SIMC1: variants seen among roughly 807,000 people sequenced by gnomAD.
SIMC1 encodes the protein SUMO interacting motifs containing 1.
Under a neutral mutation model 82.3 loss-of-function variants are expected in SIMC1, and 55 were observed. The ratio of observed to expected loss-of-function variants is 0.67; its 90% CI spans 0.54 to 0.84. The LOEUF is 0.84. Among genes scored for constraint, SIMC1 ranks in the 40% least tolerant of loss-of-function variants. The pLI is 0.00. For missense variants in SIMC1, 915 were observed against 1,107.2 expected (o/e 0.83, Z 2.46); for synonymous variants, 353 against 426.3 (o/e 0.83, Z 2.12).
intron 1 of SIMC1, among the ~76,000 whole-genome samples, chr5:176,271,478 A>G (rs1174084927): frequency 1.3e-5 from 2 of 152,196 alleles, no homozygotes; most frequent in African/African-American, 4.8e-5. Flanking sequence ...GAAATAAGTT[A>G]GGCACACAAA....
At chr5:176,270,194 A>G (rs1393505097) in intron 1 of SIMC1, 1 of 151,904 alleles carries the variant, frequency 6.6e-6, no homozygotes, top group East Asian at 1.9e-4. Context: ...ATCAATATAA[A>G]TTCTGATATT....
intron 1 of SIMC1, among the ~76,000 whole-genome samples, chr5:176,257,500 G>A (rs1341297910): frequency 1.3e-5 from 2 of 152,084 alleles, no homozygotes; most frequent in Non-Finnish European, 2.9e-5. Context: ...GAGAGAGCAA[G>A]AGAGTGAGAG....
At chr5:176,291,503 A>AT (rs1290726496) in intron 2 of SIMC1, among the ~76,000 whole-genome samples, 9 of 151,608 alleles carry the variant, frequency 5.9e-5, no homozygotes, top group East Asian at 1.9e-4. Context: ...CGCCCAGCTG[A>AT]TTTTTTGTAT....
chr5:176,308,333 A>G, intron 4 of SIMC1: 1 of 1,501,944 alleles, frequency 6.7e-7, no homozygotes, highest in South Asian at 1.1e-5. Context: ...AGGACCAAGT[A>G]GAAATTTCAC....
chr5:176,313,564 C>T (rs753879109), intron 4 of SIMC1, 127 bp from the exon 5 acceptor site: 23 of 1,554,210 alleles, frequency 1.5e-5, no homozygotes, highest in Non-Finnish European at 1.1e-5. Context: ...AGGAGCCTCT[C>T]TTTTAAGCAC....
At chr5:176,327,833 T>C (rs1765460552) in intron 7 of SIMC1, among the ~76,000 whole-genome samples, 1 of 152,252 alleles carries the variant, frequency 6.6e-6, no homozygotes, top group Non-Finnish European at 1.5e-5. Flanking sequence ...TCTCCATCTA[T>C]TGAGATAATC....
chr5:176,297,361 G>A (rs1390737493), intron 4 of SIMC1, among the ~76,000 whole-genome samples: 5 of 152,100 alleles, frequency 3.3e-5, no homozygotes, highest in Admixed American at 3.3e-4. Flanking sequence ...ATTTAGCTGG[G>A]TGTGGTGGCA....
At chr5:176,262,794 G>A (rs1055382312) in intron 1 of SIMC1, among the ~76,000 whole-genome samples, 3 of 152,094 alleles carry the variant, frequency 2.0e-5, no homozygotes, top group Admixed American at 6.5e-5. Flanking sequence ...GACAGAGTGA[G>A]ACTCTGTCTC....
At chr5:176,338,805 A>G (rs1257032097) in intron 9 of SIMC1, among the ~76,000 whole-genome samples, 7 of 152,146 alleles carry the variant, frequency 4.6e-5, no homozygotes, top group Admixed American at 2.6e-4. Context: ...TAAAAAAAAA[A>G]AAAAAGTACT....
intron 9 of SIMC1, 127 bp from the exon 10 acceptor site, chr5:176,345,056 C>A (rs1171887705): frequency 8.0e-7 from 1 of 1,251,556 alleles, no homozygotes; most frequent in Non-Finnish European, 1.1e-6. Context: ...ACTCACACAG[C>A]CTTCGACTTG....
At chr5:176,259,242 A>G (rs1761940021) in intron 1 of SIMC1, among the ~76,000 whole-genome samples, 1 of 151,654 alleles carries the variant, frequency 6.6e-6, no homozygotes, top group South Asian at 2.1e-4. Flanking sequence ...TGAGGTGGAC[A>G]GATCACTTGA....
At chr5:176,329,326 C>T (rs771872655) in intron 7 of SIMC1, among the ~76,000 whole-genome samples, 1 of 151,996 alleles carries the variant, frequency 6.6e-6, no homozygotes, top group East Asian at 1.9e-4. Flanking sequence ...AAAAAATTAG[C>T]CGGGTGCGGT....
intron 7 of SIMC1, among the ~76,000 whole-genome samples, chr5:176,329,542 G>C (rs1191299392): frequency 6.7e-6 from 1 of 149,646 alleles, no homozygotes; most frequent in Non-Finnish European, 1.5e-5. Context: ...ATCATCACAA[G>C]GATTCCTTGT....
chr5:176,266,448 T>G (rs1470482961), intron 1 of SIMC1, among the ~76,000 whole-genome samples: 1 of 152,004 alleles, frequency 6.6e-6, no homozygotes, highest in African/African-American at 2.4e-5. Context: ...AGAGGCCAGG[T>G]TAAAACAACA....
chr5:176,292,808 T>A (rs899839264), intron 2 of SIMC1, among the ~76,000 whole-genome samples: 6 of 152,228 alleles, frequency 3.9e-5, no homozygotes, highest in African/African-American at 1.4e-4. Context: ...CCCAAAGTTC[T>A]GGGATTACAG....
chr5:176,323,514 T>C (rs1223361420), intron 6 of SIMC1, among the ~76,000 whole-genome samples: 3 of 152,190 alleles, frequency 2.0e-5, no homozygotes, highest in African/African-American at 7.2e-5. Flanking sequence ...AAAATAGATA[T>C]TATTGCTCAC....
intron 7 of SIMC1, among the ~76,000 whole-genome samples, chr5:176,325,286 C>A (rs147613745): frequency 3.9e-4 from 60 of 152,182 alleles, no homozygotes; most frequent in African/African-American, 1.4e-3. Flanking sequence ...ACTCAGGAGG[C>A]TGAGACACGA....
intron 1 of SIMC1, among the ~76,000 whole-genome samples, chr5:176,272,530 G>C (rs1762489333): frequency 6.6e-6 from 1 of 152,204 alleles, no homozygotes; most frequent in Non-Finnish European, 1.5e-5. Context: ...TGACGCAGAA[G>C]ACGGGTGATG....
At chr5:176,296,881 A>C (rs1418336497) in intron 4 of SIMC1, among the ~76,000 whole-genome samples, 1 of 152,214 alleles carries the variant, frequency 6.6e-6, no homozygotes, top group Non-Finnish European at 1.5e-5. Flanking sequence ...TGGCTATGAA[A>C]AAAGGGGAAG....
Sources: allele counts gnomAD v4.1 joint callset (sites outside exome capture counted in the v4.1 genomes callset), GRCh38; gene constraint gnomAD v4.1.1; transcripts MANE v1.5; gene names NCBI Gene and HGNC (gene_info 2026-07-23, HGNC 2026-07-21).